Variants in NUP133 observed in about 807,000 individuals in gnomAD.
NUP133 encodes nuclear pore complex protein Nup133.
In NUP133, 66 loss-of-function variants were observed where a neutral mutation model predicts 146.2. The observed-to-expected ratio is 0.45, with a 90% confidence interval of 0.37 to 0.55. The LOEUF is 0.55. Ranked by LOEUF, NUP133 falls within the 20% of genes least tolerant of loss-of-function variation. The pLI is 0.00. For synonymous variants in NUP133, 521 were observed against 498.8 expected (o/e 1.04, Z -0.59); for missense variants, 1,277 against 1,374.8 (o/e 0.93, Z 1.12).
At chr1:229,448,302 C>T (rs1168318802) in intron 24 of NUP133, among the ~76,000 whole-genome samples, 1 of 152,104 alleles carries the variant, frequency 6.6e-6, no homozygotes, top group Non-Finnish European at 1.5e-5. Context: ...GTGGTACATG[C>T]CTGTAATCCC....
chr1:229,496,274 G>A (rs918886983), intron 6 of NUP133, among the ~76,000 whole-genome samples: 2 of 152,110 alleles, frequency 1.3e-5, no homozygotes, highest in Non-Finnish European at 2.9e-5. Flanking sequence ...AGGAGTTCAA[G>A]ACCACCCTGG....
rs566629323 is a variant in NUP133 at position 229,494,073 on chromosome 1, T to G, written c.1046+1422A>C. 1.1e-4 allele frequency among the ~76,000 whole-genome samples: 16 copies of G among 152,100 alleles called. No homozygotes were observed. In the South Asian group the frequency reaches 3.3e-3, roughly 32 times the overall value. On this transcript the variant is annotated intron_variant, in intron 8 of 25. Transcript: ENST00000261396. ...TTGAACCGGGAGGCAAAGGTTGCAGTGAGCCAAGACCATGCCATTGTACTC... is the reference window on the plus strand; with the variant it reads ...TTGAACCGGGAGGCAAAGGTTGCAGGGAGCCAAGACCATGCCATTGTACTC...
chr1:229,505,888 G>A (rs983496693), intron 2 of NUP133, 152 bp downstream of exon 2: 14 of 480,062 alleles, frequency 2.9e-5, no homozygotes, highest in Non-Finnish European at 4.9e-5. Flanking sequence ...ACTCTGTCTC[G>A]AAAAAATAAA....
At chr1:229,442,067 TTTTCAATTA>T in intron 25 of NUP133, 27 bp from the exon 26 acceptor site, 1 of 1,536,792 alleles carries the variant, frequency 6.5e-7, no homozygotes, top group South Asian at 1.3e-5. Context: ...AAGAAGTCAT[TTTTCAATTA>T]TTATAAAATG....
intron 14 of NUP133, among the ~76,000 whole-genome samples, chr1:229,473,672 G>A (rs111563460): frequency 3.3e-5 from 5 of 151,912 alleles, no homozygotes; most frequent in East Asian, 1.9e-4. Context: ...ACCTGTAATC[G>A]CAGCACTTTG....
chr1:229,465,512 A>T lies in NUP133; in HGVS notation c.2207T>A (p.Leu736Gln). ...INVNNILKDM[L>Q]QAASHYRQNR... is the part of the protein sequence containing the mutation. ...TTGGCGATAATGACTAGCAGCCTGC[A>T]GCATATCCTGGAAAAAAAGTTAATG... Residue 736 changes from leucine (L) to glutamine (Q), a missense_variant, in exon 17 of 26, where the codon CTG becomes CAG. Leu to Gln is a moderately radical substitution (Grantham distance 113, BLOSUM62 -2). Around this residue, in one of 3 missense-constraint regions of NUP133, gnomAD observed 952 missense variants for 1,047.0 expected, o/e 0.91. Coordinates refer to ENST00000261396, the MANE Select transcript of NUP133 (RefSeq NM_018230.3). 1 of 1,612,918 alleles carries T rather than the reference A, an allele frequency of 6.2e-7. No homozygotes were observed. The highest frequency in any genetic ancestry group is 8.5e-7 in the Non-Finnish European group (1 of 1,179,052).
chr1:229,470,629 T>G lies in NUP133; in HGVS notation c.2027A>C (p.Glu676Ala). 2 of 1,614,194 alleles carry G rather than the reference T, an allele frequency of 1.2e-6. No individual in the cohort carries two copies. Among genetic ancestry groups the G allele is most frequent in the East Asian group, 2.2e-5 (1 of 44,884 alleles). ...TAILIALNKR[E>A]YEIPSNLTPA... ...AGTCAGGTTGGATGGGATTTCATACTCCCTCTTGTTCAAAGCAATCAATAT... is the reference window on the plus strand; with the variant it reads ...AGTCAGGTTGGATGGGATTTCATACGCCCTCTTGTTCAAAGCAATCAATAT... Residue 676 changes from glutamate (E) to alanine (A), a missense_variant, in exon 15 of 26, where the codon GAG (glutamate) becomes GCG (alanine). Physicochemically the swap from Glu to Ala is moderately radical, Grantham distance 107. Around this residue, in one of 3 missense-constraint regions of NUP133, gnomAD observed 952 missense variants for 1,047.0 expected, o/e 0.91. Coordinates refer to ENST00000261396, the MANE Select transcript of NUP133 (RefSeq NM_018230.3).
chr1:229,449,390 C>G (rs1485975431), intron 23 of NUP133, among the ~76,000 whole-genome samples, 200 bp from the exon 24 acceptor site: 2 of 139,510 alleles, frequency 1.4e-5, no homozygotes, highest in Non-Finnish European at 3.1e-5. Flanking sequence ...TTTTTTGAGA[C>G]GGAGTCTCGC....
At chr1:229,448,884 G>A (rs1006541605) in intron 24 of NUP133, 1 of 500,596 alleles carries the variant, frequency 2.0e-6, no homozygotes. Flanking sequence ...GCTTAAATTG[G>A]CATCAAAGTC....
At chr1:229,495,087 A>G (rs1661619770) in intron 8 of NUP133, among the ~76,000 whole-genome samples, 1 of 152,212 alleles carries the variant, frequency 6.6e-6, no homozygotes, top group African/African-American at 2.4e-5. Flanking sequence ...TAGCATGAGA[A>G]GACCCGCACT....
intron 11 of NUP133, among the ~76,000 whole-genome samples, chr1:229,484,803 CT>C (rs1017437289): frequency 6.6e-6 from 1 of 151,866 alleles, no homozygotes. Context: ...GATATTAATC[CT>C]TTTTTGTAAT....
At position 229,495,924 on chromosome 1, in the gene NUP133, C is replaced by G. The variant is rs1661644082; in HGVS notation, c.943G>C (p.Ala315Pro). The change falls in exon 7 of 26, where the codon GCC becomes CCC. Residue 315 changes from alanine to proline, a missense_variant. Ala to Pro is a conservative substitution (Grantham distance 27). This residue lies in a region of NUP133 where 952 missense variants were observed against 1,047.0 expected (regional missense o/e 0.91). Coordinates refer to ENST00000261396, the MANE Select transcript of NUP133 (RefSeq NM_018230.3). ...GCATCGGTAATGTTTTCCTTCAGGG[C>G]TCTATTTATATCCCAACTGTATGCA... ...KHAYSWDINRALKENITDAIW... is the reference protein window; with the variant it reads ...KHAYSWDINRPLKENITDAIW... 1 of 1,602,916 alleles carries G rather than the reference C, an allele frequency of 6.2e-7. No individual in the cohort carries two copies. Among genetic ancestry groups the G allele is most frequent in the Non-Finnish European group, 8.5e-7 (1 of 1,176,768 alleles).
rs374417128 is a variant in NUP133 at position 229,508,304 on chromosome 1, C to T, written c.-55G>A. ...AGGGATCTGGCCGTCAGGTTGCAGC[C>T]TGGCCTGCGCGCGGAACTTAAACAC... On this transcript the variant is annotated 5_prime_UTR_variant, in exon 1 of 26. Coordinates refer to ENST00000261396, the MANE Select transcript of NUP133 (RefSeq NM_018230.3). 1.0e-4 allele frequency: 133 copies of T among 1,317,988 alleles called. 1 individual carries two copies. The East Asian group carries it at 3.5e-3, about 34-fold the overall frequency. 81.6% of individuals were successfully genotyped at this position (1,317,988 alleles called of 1,614,324 possible).
chr1:229,458,112 A>G (rs1163762016), intron 21 of NUP133, 49 bp downstream of exon 21: 1 of 1,584,418 alleles, frequency 6.3e-7, no homozygotes, highest in African/African-American at 1.3e-5. Context: ...ATCATGAGTT[A>G]ATTGATGGCA....
intron 13 of NUP133, 146 bp from the exon 14 acceptor site, chr1:229,475,878 G>A (rs1661062930): frequency 1.6e-6 from 1 of 617,672 alleles, no homozygotes; most frequent in African/African-American, 1.8e-5. Flanking sequence ...GGGAGGTCGA[G>A]GTGGGCAGAT....
Position 229,502,133 on chromosome 1 carries a change from C to T in NUP133, c.302-31G>A, listed in dbSNP as rs569918491. The T allele has an allele frequency of 1.7e-5, 25 of 1,506,208 alleles. No individual in the cohort carries two copies. The African/African-American group carries it at 3.2e-4, about 19-fold the overall frequency. The allele number at this position is 1,506,208 out of a possible 1,614,324, so 93.3% of individuals were successfully genotyped here. A position where few individuals can be genotyped will look rare whatever the true frequency, so the allele number is the denominator to read the frequency against. ...GGAAAAAATGAGGTGGGTGATTAAT[C>T]TTATAGTATAAATCTTTATTACCAC... is the stretch of plus-strand genomic sequence containing the variant. On this transcript the variant is annotated intron_variant, in intron 2 of 25. Transcript: ENST00000261396.
At position 229,471,392 on chromosome 1, in the gene NUP133, C is replaced by G. The variant is rs1043697264; in HGVS notation, c.1852-588G>C. 2.6e-5 allele frequency among the ~76,000 whole-genome samples: 4 copies of G among 152,292 alleles called. No homozygotes were observed. The East Asian group carries it at 5.8e-4, about 22-fold the overall frequency. ...TCGGCCTCTCAAAGCACTGGAATTACAGGTGTGAACCACTGCACCTGGCTT... is the reference window on the plus strand; with the variant it reads ...TCGGCCTCTCAAAGCACTGGAATTAGAGGTGTGAACCACTGCACCTGGCTT... On this transcript the variant is annotated intron_variant, in intron 14 of 25. Transcript: ENST00000261396.
chr1:229,498,572 G>A (rs971007244), intron 5 of NUP133, among the ~76,000 whole-genome samples: 1 of 151,912 alleles, frequency 6.6e-6, no homozygotes, highest in Admixed American at 6.6e-5. Flanking sequence ...AGCCCAAGGC[G>A]GGGTGAAACC....
chr1:229,449,875 T>TATATATATATATA (rs1558088585), intron 23 of NUP133, among the ~76,000 whole-genome samples: 954 of 63,972 alleles, frequency 0.015, 14 homozygotes, highest in East Asian at 0.022. Flanking sequence ...ATATATATAT[T>TATATATATATATA]TTTTTTTTTT....
Sources: allele counts gnomAD v4.1 joint callset (sites outside exome capture counted in the v4.1 genomes callset), GRCh38; gene constraint gnomAD v4.1.1; regional missense constraint gnomAD v4.1.1; transcripts MANE v1.5; gene names NCBI Gene and HGNC (gene_info 2026-07-23, HGNC 2026-07-21).